The following KCNH7 variants were observed in gnomAD, a reference collection of about 807,000 sequenced individuals.
The protein encoded by KCNH7 is voltage-gated inwardly rectifying potassium channel KCNH7.
Under a neutral mutation model 120.8 loss-of-function variants are expected in KCNH7, and 49 were observed. The ratio of observed to expected loss-of-function variants is 0.41; its 90% confidence interval spans 0.32 to 0.51. KCNH7 has a LOEUF of 0.51. Among genes scored for constraint, KCNH7 ranks in the 20% least tolerant of loss-of-function variants. The probability of loss-of-function intolerance (pLI) is 0.38; values close to 1 mark genes in which losing one functional copy is unlikely to be tolerated. For missense variants in KCNH7, 1,097 were observed against 1,446.6 expected (o/e 0.76, Z 3.92); for synonymous variants, 547 against 516.1 (o/e 1.06, Z -0.81).
At chr2:162,750,035 G>A (rs1559114526) in intron 2 of KCNH7, among the ~76,000 whole-genome samples, 1 of 152,226 alleles carries the variant, frequency 6.6e-6, no homozygotes, top group South Asian at 2.1e-4. Context: ...AGCCTAGGAA[G>A]GTTAATCAGA....
chr2:162,588,188 C>T (rs1239922517), intron 2 of KCNH7, among the ~76,000 whole-genome samples: 1 of 152,016 alleles, frequency 6.6e-6, no homozygotes, highest in Non-Finnish European at 1.5e-5. Flanking sequence ...ACCTTCACAC[C>T]TCTGAGTGTT....
intron 2 of KCNH7, among the ~76,000 whole-genome samples, chr2:162,724,143 C>G (rs141710894): frequency 8.6e-5 from 13 of 151,982 alleles, no homozygotes; most frequent in Non-Finnish European, 1.9e-4. Context: ...ATAATTTAAC[C>G]TACTCTGTGT....
At chr2:162,713,011 A>T (rs1483530599) in intron 2 of KCNH7, among the ~76,000 whole-genome samples, 1 of 152,156 alleles carries the variant, frequency 6.6e-6, no homozygotes, top group Non-Finnish European at 1.5e-5. Flanking sequence ...ATTCAGGATG[A>T]ATCCCTGGGT....
intron 2 of KCNH7, among the ~76,000 whole-genome samples, chr2:162,810,807 T>C (rs1207226261): frequency 6.6e-6 from 1 of 152,170 alleles, no homozygotes. Context: ...TAAAATCTGA[T>C]GCAATATGTG....
intron 2 of KCNH7, among the ~76,000 whole-genome samples, chr2:162,642,654 G>A (rs1227102925): frequency 6.6e-6 from 1 of 152,200 alleles, no homozygotes; most frequent in Non-Finnish European, 1.5e-5. Context: ...TCACACTGTG[G>A]TGGCTCCTAG....
intron 2 of KCNH7, among the ~76,000 whole-genome samples, chr2:162,712,953 G>C (rs552418828): frequency 3.3e-5 from 5 of 152,152 alleles, no homozygotes; most frequent in Non-Finnish European, 5.9e-5. Flanking sequence ...AATCACTCTC[G>C]TTTTTAGTCA....
intron 2 of KCNH7, among the ~76,000 whole-genome samples, chr2:162,711,972 A>G (rs1226849180): frequency 6.6e-6 from 1 of 152,142 alleles, no homozygotes; most frequent in East Asian, 1.9e-4. Context: ...TTCTCTTCCC[A>G]TCTGTCTTTT....
intron 2 of KCNH7, among the ~76,000 whole-genome samples, chr2:162,611,347 C>T (rs1465740136): frequency 6.6e-6 from 1 of 152,110 alleles, no homozygotes; most frequent in East Asian, 1.9e-4. Flanking sequence ...GATCTTATTC[C>T]GTGACATAAG....
At chr2:162,616,037 A>G (rs926558931) in intron 2 of KCNH7, among the ~76,000 whole-genome samples, 4 of 152,190 alleles carry the variant, frequency 2.6e-5, no homozygotes, top group African/African-American at 9.7e-5. Flanking sequence ...CTTCAAATCG[A>G]AAGTGTTGCT....
chr2:162,539,854 G>A (rs1350774875), intron 2 of KCNH7, among the ~76,000 whole-genome samples: 1 of 152,066 alleles, frequency 6.6e-6, no homozygotes, highest in Non-Finnish European at 1.5e-5. Context: ...GGCAGACAAT[G>A]AAAGGAGATA....
rs769327303 is a variant in KCNH7 at position 162,836,667 on chromosome 2, G to T, written c.177C>A (p.Val59=). ...CEMTGFSRPD[V]MQKPCTCDFL... ...AGTCGCAGGTGCATGGCTTTTGCATGACATCTGGCCTGGAGAAACCAGTCA... is the reference window on the plus strand; with the variant it reads ...AGTCGCAGGTGCATGGCTTTTGCATTACATCTGGCCTGGAGAAACCAGTCA... The change falls in exon 2 of 16, where the codon GTC becomes GTA. Residue 59 remains valine (V), a synonymous_variant. Transcript: ENST00000332142. 2 of 1,614,108 alleles carry T rather than the reference G, an allele frequency of 1.2e-6. No individual in the cohort carries two copies. The highest frequency in any genetic ancestry group is 3.3e-5 in the Admixed American group (2 of 60,016).
chr2:162,383,923 C>T (rs534165772), intron 13 of KCNH7, among the ~76,000 whole-genome samples: 1 of 151,712 alleles, frequency 6.6e-6, no homozygotes, highest in Non-Finnish European at 1.5e-5. Flanking sequence ...TACCCAAAGA[C>T]ATAAAGGGAG....
In KCNH7 at chr2:162,414,824, T is replaced by G. The variant is rs115600043; in HGVS notation, c.2154+8512A>C. Among the ~76,000 whole-genome samples, 1,242 of 152,070 alleles carry G rather than the reference T, an allele frequency of 8.2e-3. 21 individuals are homozygous for G. The highest frequency in any genetic ancestry group is 0.029 in the African/African-American group (1,185 of 41,540). ...ATGTTGCAATTTTATTTAAGTAAAA[T>G]TTGTGTATATGAGAAGGCAAATAAC... is the stretch of plus-strand genomic sequence containing the variant. On this transcript the variant is annotated intron_variant, in intron 9 of 15. Transcript: ENST00000332142.
chr2:162,464,560 C>T (rs1689249376), intron 6 of KCNH7, among the ~76,000 whole-genome samples: 1 of 151,914 alleles, frequency 6.6e-6, no homozygotes, highest in African/African-American at 2.4e-5. Flanking sequence ...TATCCATGTC[C>T]CGGACTCCTT....
At chr2:162,521,365 C>T (rs537257303) in intron 3 of KCNH7, among the ~76,000 whole-genome samples, 123 of 151,870 alleles carry the variant, frequency 8.1e-4, no homozygotes, top group Non-Finnish European at 1.5e-3. Flanking sequence ...TCTTAACCTC[C>T]TGGAATTGTA....
intron 2 of KCNH7, among the ~76,000 whole-genome samples, chr2:162,565,469 A>T (rs904569870): frequency 1.3e-5 from 2 of 152,064 alleles, no homozygotes; most frequent in Non-Finnish European, 2.9e-5. Flanking sequence ...ATACAAAAAT[A>T]TCTAGATAAG....
At chr2:162,554,517 C>T (rs986464439) in intron 2 of KCNH7, among the ~76,000 whole-genome samples, 10 of 152,072 alleles carry the variant, frequency 6.6e-5, no homozygotes, top group Admixed American at 3.3e-4. Flanking sequence ...TCTGGAGGCC[C>T]GAAGAGTGAA....
intron 2 of KCNH7, among the ~76,000 whole-genome samples, chr2:162,634,906 C>G (rs966784352): frequency 2.0e-5 from 3 of 151,930 alleles, no homozygotes; most frequent in Non-Finnish European, 4.4e-5. Context: ...GTCAGAAAAC[C>G]AACACCTTCC....
Position 162,767,255 on chromosome 2 carries a change from AAAG to A in KCNH7, c.307+69279_307+69281del, listed in dbSNP as rs575076818. ...TTTCTAGAAGTGAATTTACTCAGTT[AAAG>A]AGTATGGCACATTTAAAAAAATAAA... On this transcript the variant is annotated intron_variant, in intron 2 of 15. Transcript: ENST00000332142. Among the ~76,000 whole-genome samples the A allele has an allele frequency of 8.0e-4, 122 of 152,306 alleles. 1 individual carries two copies. The highest frequency in any genetic ancestry group is 2.9e-3 in the African/African-American group (120 of 41,580).
Sources: allele counts gnomAD v4.1 joint callset (sites outside exome capture counted in the v4.1 genomes callset), GRCh38; gene constraint gnomAD v4.1.1; transcripts MANE v1.5; gene names NCBI Gene and HGNC (gene_info 2026-07-23, HGNC 2026-07-21).